Variants in GRIP1 observed in about 807,000 individuals in gnomAD.
GRIP1 encodes the protein glutamate receptor-interacting protein 1.
GRIP1 carries 45 observed loss-of-function variants against 129.9 expected under a neutral mutation model. That is an observed-to-expected ratio of 0.35 (90% CI 0.27 to 0.44). The LOEUF is 0.44. Among genes scored for constraint, GRIP1 ranks in the 20% least tolerant of loss-of-function variants. The pLI is 1.00. For missense variants in GRIP1, 1,196 were observed against 1,396.8 expected (o/e 0.86, Z 2.29); for synonymous variants, 530 against 520.8 (o/e 1.02, Z -0.24).
chr12:66,582,328 C>G (rs558568945), intron 2 of GRIP1, among the ~76,000 whole-genome samples: 1 of 139,888 alleles, frequency 7.1e-6, no homozygotes, highest in African/African-American at 2.6e-5. Context: ...TGGAAGCATT[C>G]CCTCTGAAAA....
intron 2 of GRIP1, among the ~76,000 whole-genome samples, chr12:66,543,359 G>A (rs1014796472): frequency 5.3e-5 from 8 of 152,158 alleles, no homozygotes; most frequent in African/African-American, 9.7e-5. Context: ...AGCCAAGGAG[G>A]AGTCTGAGCG....
At chr12:66,734,550 CAA>C (rs1178603115) in intron 1 of GRIP1, among the ~76,000 whole-genome samples, 4 of 152,116 alleles carry the variant, frequency 2.6e-5, no homozygotes, top group East Asian at 1.9e-4. Context: ...AAGAAGGAAA[CAA>C]GAGTCAAAAT....
chr12:66,773,048 T>C (rs2037869696), intron 1 of GRIP1, among the ~76,000 whole-genome samples: 1 of 152,154 alleles, frequency 6.6e-6, no homozygotes, highest in Non-Finnish European at 1.5e-5. Flanking sequence ...GGAGGAAGAA[T>C]TCTGCAATTC....
At chr12:66,877,182 G>A (rs1036499943) in intron 1 of GRIP1, among the ~76,000 whole-genome samples, 1 of 151,974 alleles carries the variant, frequency 6.6e-6, no homozygotes, top group African/African-American at 2.4e-5. Context: ...ATTTGAGGCT[G>A]CCCCATTCAT....
chr12:66,883,630 TC>T (rs1169734867), intron 1 of GRIP1, among the ~76,000 whole-genome samples: 2 of 152,172 alleles, frequency 1.3e-5, no homozygotes, highest in African/African-American at 2.4e-5. Flanking sequence ...TCAAAAGCTC[TC>T]CCTTGAGAGG....
intron 1 of GRIP1, among the ~76,000 whole-genome samples, chr12:66,705,199 A>G (rs2035485268): frequency 6.6e-6 from 1 of 152,148 alleles, no homozygotes; most frequent in African/African-American, 2.4e-5. Flanking sequence ...AATGGAAGCC[A>G]TTCAAAACAG....
upstream of GRIP1, among the ~76,000 whole-genome samples, chr12:66,682,816 T>C (rs981017974): frequency 6.6e-6 from 1 of 152,192 alleles, no homozygotes; most frequent in African/African-American, 2.4e-5. Flanking sequence ...CTATTTTATA[T>C]CATTAGAATC....
At chr12:66,771,397 C>G (rs893130628) in intron 1 of GRIP1, among the ~76,000 whole-genome samples, 2 of 152,172 alleles carry the variant, frequency 1.3e-5, no homozygotes, top group Non-Finnish European at 2.9e-5. Flanking sequence ...AGACCTTGCA[C>G]AGACACAACA....
At chr12:67,030,735 A>G (rs2043010337) in intron 1 of GRIP1, among the ~76,000 whole-genome samples, 1 of 152,184 alleles carries the variant, frequency 6.6e-6, no homozygotes, top group Non-Finnish European at 1.5e-5. Context: ...ACCCCCTATC[A>G]TTTCTAGTTT....
At chr12:66,894,032 T>C (rs1437859712) in intron 1 of GRIP1, among the ~76,000 whole-genome samples, 1 of 152,148 alleles carries the variant, frequency 6.6e-6, no homozygotes, top group Non-Finnish European at 1.5e-5. Flanking sequence ...CACTCCCAAC[T>C]CAGGGCCTGT....
chr12:66,789,788 ATAGT>A (rs1268580657), intron 1 of GRIP1, among the ~76,000 whole-genome samples: 1 of 152,160 alleles, frequency 6.6e-6, no homozygotes, highest in Non-Finnish European at 1.5e-5. Context: ...CTGTGACAAG[ATAGT>A]TACAGTAATT....
intron 1 of GRIP1, among the ~76,000 whole-genome samples, chr12:66,761,462 C>T (rs1247614040): frequency 6.6e-6 from 1 of 152,112 alleles, no homozygotes; most frequent in Non-Finnish European, 1.5e-5. Flanking sequence ...CTTACCAATC[C>T]TTCGGAGACC....
intron 1 of GRIP1, among the ~76,000 whole-genome samples, chr12:66,755,115 T>C (rs2037246018): frequency 6.6e-6 from 1 of 152,190 alleles, no homozygotes; most frequent in South Asian, 2.1e-4. Flanking sequence ...AAACCTGTGA[T>C]CTTTATCAGA....
intron 1 of GRIP1, among the ~76,000 whole-genome samples, chr12:66,726,266 T>C (rs901801805): frequency 1.3e-5 from 2 of 152,180 alleles, no homozygotes; most frequent in African/African-American, 4.8e-5. Context: ...GTCCAGCAAT[T>C]TCTTCAAATG....
At chr12:66,686,799 G>T (rs912842346) in intron 1 of GRIP1, among the ~76,000 whole-genome samples, 13 of 152,222 alleles carry the variant, frequency 8.5e-5, no homozygotes, top group Admixed American at 7.2e-4. Context: ...GCTCACACCT[G>T]TAATCTCAGC....
chr12:67,033,651 TAAGA>T (rs2043054675), intron 1 of GRIP1, among the ~76,000 whole-genome samples: 1 of 152,164 alleles, frequency 6.6e-6, no homozygotes, highest in South Asian at 2.1e-4. Context: ...AATGGAATTT[TAAGA>T]CAGAATCCAA....
intron 16 of GRIP1, among the ~76,000 whole-genome samples, chr12:66,400,548 T>C (rs944292087): frequency 1.2e-4 from 18 of 152,316 alleles, no homozygotes; most frequent in Non-Finnish European, 2.4e-4. Context: ...AAAGGACTAA[T>C]TTAATCAGTA....
intron 23 of GRIP1, among the ~76,000 whole-genome samples, chr12:66,365,284 A>G (rs145840612): frequency 1.2e-3 from 176 of 152,202 alleles, no homozygotes; most frequent in African/African-American, 3.9e-3. Flanking sequence ...AAAAATACAA[A>G]AAATTACCCG....
chr12:66,815,606 A>G (rs1362916022), intron 1 of GRIP1, among the ~76,000 whole-genome samples: 1 of 152,052 alleles, frequency 6.6e-6, no homozygotes, highest in East Asian at 1.9e-4. Flanking sequence ...ACAAAAAATA[A>G]AAGAAAAATT....
Sources: allele counts gnomAD v4.1 joint callset (sites outside exome capture counted in the v4.1 genomes callset), GRCh38; gene constraint gnomAD v4.1.1; transcripts MANE v1.5; gene names NCBI Gene and HGNC (gene_info 2026-07-23, HGNC 2026-07-21).